Variants in ACVR2A observed in about 807,000 individuals in gnomAD.
ACVR2A encodes the protein activin receptor type-2A.
Under a neutral mutation model 61.4 loss-of-function variants are expected in ACVR2A, and 7 were observed. That is an observed-to-expected ratio of 0.11 (90% CI 0.06 to 0.21). The LOEUF is 0.21. Among genes scored for constraint, ACVR2A ranks in the 10% least tolerant of loss-of-function variants. The pLI, the probability that ACVR2A is intolerant of heterozygous loss-of-function variation, is 1.00. For synonymous variants in ACVR2A, 193 were observed against 208.3 expected (o/e 0.93, Z 0.63); for missense variants, 322 against 621.7 (o/e 0.52, Z 5.13).
intron 1 of ACVR2A, among the ~76,000 whole-genome samples, chr2:147,869,219 T>C (rs1417539680): frequency 6.6e-6 from 1 of 152,230 alleles, no homozygotes; most frequent in Non-Finnish European, 1.5e-5. Context: ...TCCTTTTGGC[T>C]GGTAACTTGC....
At chr2:147,913,822 CAAAAAAAAAAAAAAAAA>C (rs575237522) in intron 4 of ACVR2A, among the ~76,000 whole-genome samples, 1 of 61,782 alleles carries the variant, frequency 1.6e-5, no homozygotes, top group African/African-American at 8.0e-5. Flanking sequence ...AACTTGTAGA[CAAAAAAAAAAAAAAAAA>C]AAAAAAAAAA....
intron 2 of ACVR2A, chr2:147,896,784 T>TA (rs1219973767): frequency 1.1e-5 from 3 of 271,926 alleles, no homozygotes; most frequent in Non-Finnish European, 2.1e-5. Flanking sequence ...TTGTTACGAT[T>TA]ATAAACTTTT....
chr2:147,878,583 G>A (rs1009954947), intron 1 of ACVR2A, among the ~76,000 whole-genome samples: 3 of 152,064 alleles, frequency 2.0e-5, no homozygotes, highest in Admixed American at 6.6e-5. Context: ...TTGTGTTACA[G>A]TGACTTAGGG....
At chr2:147,865,988 C>G (rs896248594) in intron 1 of ACVR2A, among the ~76,000 whole-genome samples, 2 of 152,106 alleles carry the variant, frequency 1.3e-5, no homozygotes, top group African/African-American at 4.8e-5. Flanking sequence ...TTTATGTTTT[C>G]TCTGTCAGGC....
At chr2:147,848,093 G>T (rs1020266038) in intron 1 of ACVR2A, among the ~76,000 whole-genome samples, 1 of 152,188 alleles carries the variant, frequency 6.6e-6, no homozygotes, top group Non-Finnish European at 1.5e-5. Flanking sequence ...GTGAATGTAT[G>T]TGTGGTTGGA....
At chr2:147,927,043 T>G (rs776017164) in intron 10 of ACVR2A, 37 bp from the exon 11 acceptor site, 3 of 1,577,576 alleles carry the variant, frequency 1.9e-6, no homozygotes, top group Non-Finnish European at 2.6e-6. Context: ...AAACAAAAAC[T>G]GCTGTGGCGT....
At chr2:147,881,971 A>G (rs1686314626) in intron 1 of ACVR2A, among the ~76,000 whole-genome samples, 1 of 152,178 alleles carries the variant, frequency 6.6e-6, no homozygotes, top group Non-Finnish European at 1.5e-5. Flanking sequence ...GAAACAAACT[A>G]TTAAGAATTA....
At chr2:147,918,853 C>T (rs968152334) in intron 7 of ACVR2A, among the ~76,000 whole-genome samples, 3 of 151,862 alleles carry the variant, frequency 2.0e-5, no homozygotes, top group African/African-American at 7.3e-5. Flanking sequence ...TATATTTTCT[C>T]GATCTCAAAG....
chr2:147,920,185 G>C lies in ACVR2A; in HGVS notation c.963-45G>C, dbSNP rs140112453. The C allele has an allele frequency of 6.0e-5, 80 of 1,331,646 alleles. No individual in the cohort carries two copies. The African/African-American group carries it at 1.1e-3, about 18-fold the overall frequency. The allele number at this position is 1,331,646 out of a possible 1,614,324, so 82.5% of individuals were successfully genotyped here. A position where few individuals can be genotyped will look rare whatever the true frequency, so the allele number is the denominator to read the frequency against. Reference sequence around the variant, plus strand: ...CTGCTTTCAATAAAAAATTTAAAAAGGTAACTAGTTTAAACTTAATTTGAA... The same window carrying C: ...CTGCTTTCAATAAAAAATTTAAAAACGTAACTAGTTTAAACTTAATTTGAA... On this transcript the variant is annotated intron_variant, in intron 7 of 10. Transcript: ENST00000241416.
rs189746474 is a variant in ACVR2A, at chr2:147,880,630, T to C, written c.56-15671T>C. ...AATTATTGAAAGATTTGTGAGTTCT[T>C]TTACTTTCTACTTGTTGTGTCTTTT... On this transcript the variant is annotated intron_variant, in intron 1 of 10. Coordinates refer to ENST00000241416, the MANE Select transcript of ACVR2A (RefSeq NM_001616.5). Among the ~76,000 whole-genome samples the C allele has an allele frequency of 1.1e-3, 172 of 152,312 alleles. 1 individual carries two copies. The highest frequency in any genetic ancestry group is 3.8e-3 in the African/African-American group (156 of 41,578).
At chr2:147,850,768 C>G (rs1685425212) in intron 1 of ACVR2A, among the ~76,000 whole-genome samples, 1 of 152,118 alleles carries the variant, frequency 6.6e-6, no homozygotes, top group African/African-American at 2.4e-5. Context: ...AAGTGACTTT[C>G]TGTCATTCTC....
At position 147,871,335 on chromosome 2, in the gene ACVR2A, A is replaced by C. The variant is rs1304548732; in HGVS notation, c.56-24966A>C. Among the ~76,000 whole-genome samples the C allele has an allele frequency of 2.0e-5, 3 of 152,132 alleles. No homozygotes were observed. In the East Asian group the frequency reaches 5.8e-4, roughly 29 times the overall value. Reference sequence around the variant, plus strand: ...ATACTACTTAAATTAGTGGTTGAATACGCTTTATTGTGCATTTAGCTCCTG... The same window carrying C: ...ATACTACTTAAATTAGTGGTTGAATCCGCTTTATTGTGCATTTAGCTCCTG... On this transcript the variant is annotated intron_variant, in intron 1 of 10. Coordinates refer to ENST00000241416, the MANE Select transcript of ACVR2A (RefSeq NM_001616.5).
Position 147,879,680 on chromosome 2 carries a change from A to G in ACVR2A, c.56-16621A>G, listed in dbSNP as rs534619389. Among the ~76,000 whole-genome samples the G allele has an allele frequency of 2.0e-5, 3 of 152,292 alleles. No homozygotes were observed. In the South Asian group the frequency reaches 6.2e-4, roughly 32 times the overall value. The stretch of plus-strand genomic sequence containing the variant: ...TGGAAAGGCCTGTAAGATTTGTTAA[A>G]GATTTTGATTTTAAGGCCAAGGGTA... On this transcript the variant is annotated intron_variant, in intron 1 of 10. Coordinates refer to ENST00000241416, the MANE Select transcript of ACVR2A (RefSeq NM_001616.5).
intron 2 of ACVR2A, 114 bp from the exon 3 acceptor site, chr2:147,899,344 C>G: frequency 1.5e-6 from 1 of 667,008 alleles, no homozygotes. Context: ...AAATACGAAT[C>G]TTGAAGTTGA....
chr2:147,893,564 G>C (rs1266297204), intron 1 of ACVR2A, among the ~76,000 whole-genome samples: 2 of 152,038 alleles, frequency 1.3e-5, no homozygotes, highest in Non-Finnish European at 2.9e-5. Context: ...TTTTTGTTTT[G>C]TTTTAGCCAT....
chr2:147,850,361 G>A (rs1003872714), intron 1 of ACVR2A, among the ~76,000 whole-genome samples: 2 of 152,056 alleles, frequency 1.3e-5, no homozygotes, highest in African/African-American at 4.8e-5. Context: ...TCATTTACTG[G>A]TTTCTGGACT....
chr2:147,854,488 A>G (rs954734548), intron 1 of ACVR2A, among the ~76,000 whole-genome samples: 2 of 152,220 alleles, frequency 1.3e-5, no homozygotes, highest in African/African-American at 4.8e-5. Context: ...GTACTTTGAG[A>G]TCAATATTTT....
At chr2:147,849,090 T>A (rs1685388289) in intron 1 of ACVR2A, among the ~76,000 whole-genome samples, 1 of 152,166 alleles carries the variant, frequency 6.6e-6, no homozygotes, top group South Asian at 2.1e-4. Flanking sequence ...TAGTATAATA[T>A]TTTATACTAT....
chr2:147,924,724 G>T (rs1687462752), intron 9 of ACVR2A, among the ~76,000 whole-genome samples: 1 of 151,910 alleles, frequency 6.6e-6, no homozygotes, highest in Non-Finnish European at 1.5e-5. Flanking sequence ...TTTGTTAAAT[G>T]AAGTAATTCT....
Sources: gnomAD v4.1 joint callset for allele counts (sites outside exome capture counted in the v4.1 genomes callset) on GRCh38, gnomAD v4.1.1 for gene constraint, MANE v1.5 for transcripts, NCBI Gene and HGNC (gene_info 2026-07-23, HGNC 2026-07-21) for gene names.